SLC38A3: variants seen among roughly 807,000 people sequenced by gnomAD.
The protein encoded by SLC38A3 is sodium-coupled neutral amino acid transporter 3.
Under a neutral mutation model 59.5 loss-of-function variants are expected in SLC38A3, and 17 were observed. That is an observed-to-expected ratio of 0.29 (90% confidence interval 0.20 to 0.43). The LOEUF is 0.43. Among genes scored for constraint, SLC38A3 ranks in the 20% least tolerant of loss-of-function variants. SLC38A3 has a pLI of 1.00. For missense variants in SLC38A3, 454 were observed against 653.9 expected (o/e 0.69, Z 3.33); for synonymous variants, 238 against 260.3 (o/e 0.91, Z 0.82).
rs1189929062 is a variant in SLC38A3 at position 50,217,330 on chromosome 3, G to A, written c.631+10G>A. On this transcript the variant is annotated intron_variant, in intron 8 of 15. Coordinates refer to ENST00000614032, the MANE Select transcript of SLC38A3 (RefSeq NM_006841.6). The surrounding 1 kb of genome is among the most constrained non-coding windows in gnomAD (Gnocchi z 4.9). The stretch of plus-strand genomic sequence containing the variant: ...CTGATGCGGCAGCTTGGTGAGTGTG[G>A]AAGGGTCAGAGCCTTGGAGGGGATG... 2 of 1,612,864 alleles carry A rather than the reference G, an allele frequency of 1.2e-6. No individual in the cohort carries two copies. The highest frequency in any genetic ancestry group is 1.7e-6 in the Non-Finnish European group (2 of 1,179,388).
In SLC38A3 at chr3:50,219,894, C is replaced by A. The variant is rs375955437; in HGVS notation, c.1320C>A (p.Ala440=). The A allele has an allele frequency of 2.0e-4, 315 of 1,612,458 alleles. No individual in the cohort carries two copies. Among genetic ancestry groups the A allele is most frequent in the Non-Finnish European group, 2.2e-4 (259 of 1,179,338 alleles). ...GIFGVIGATS[A]PFLIFIFPAI... ...TGTTCTTTGCAGGTGCCACATCTGC[C>A]CCATTCCTCATCTTCATCTTCCCTG... Residue 440 remains alanine, a synonymous_variant, in exon 15 of 16, where the codon GCC becomes GCA. Transcript: ENST00000614032.
At position 50,214,890 on chromosome 3, in the gene SLC38A3, C is replaced by A. The variant is rs1340701797; in HGVS notation, c.299+122C>A. ...GGCTGCAGTGGGTGGGCACTTCTTA[C>A]ACTAACAAACCGCGGCTGAAAAAAA... On this transcript the variant is annotated intron_variant, in intron 4 of 15. Coordinates refer to ENST00000614032, the MANE Select transcript of SLC38A3 (RefSeq NM_006841.6). This position sits in a 1 kb window ranked among gnomAD's most constrained non-coding sequence, Gnocchi z 6.0. The A allele has an allele frequency of 1.3e-5, 9 of 693,986 alleles. No individual in the cohort carries two copies. In the Admixed American group the frequency reaches 1.9e-4, roughly 15 times the overall value. The allele number at this position is 693,986 out of a possible 1,614,324, so 43.0% of individuals were successfully genotyped here.
chr3:50,216,414 A>T (rs1244133429), intron 7 of SLC38A3, among the ~76,000 whole-genome samples: 5 of 152,162 alleles, frequency 3.3e-5, no homozygotes, highest in Non-Finnish European at 5.9e-5. Context: ...GCCTTTGAGG[A>T]TGGTCCTGGC....
At position 50,215,134 on chromosome 3, in the gene SLC38A3, C is replaced by T. The variant is rs1007504699; in HGVS notation, c.300-252C>T. ...TTGTTTCAAGGACTCAAGAGGAGGACGTGCTCAGAGGGCAGTCACAGGGAC... is the reference window on the plus strand; with the variant it reads ...TTGTTTCAAGGACTCAAGAGGAGGATGTGCTCAGAGGGCAGTCACAGGGAC... On this transcript the variant is annotated intron_variant, in intron 4 of 15. Coordinates refer to ENST00000614032, the MANE Select transcript of SLC38A3 (RefSeq NM_006841.6). The surrounding 1 kb of genome is among the most constrained non-coding windows in gnomAD (Gnocchi z 7.1). 1.2e-5 allele frequency: 7 copies of T among 576,422 alleles called. No homozygotes were observed. The highest frequency in any genetic ancestry group is 5.8e-5 in the East Asian group (2 of 34,380). The allele number at this position is 576,422 out of a possible 1,614,324, so 35.7% of individuals were successfully genotyped here. A position where few individuals can be genotyped will look rare whatever the true frequency, so the allele number is the denominator to read the frequency against.
intron 7 of SLC38A3, among the ~76,000 whole-genome samples, chr3:50,216,555 G>A (rs746278390): frequency 4.6e-5 from 7 of 152,168 alleles, no homozygotes; most frequent in Non-Finnish European, 7.3e-5. Context: ...AGAAACCCCC[G>A]TGGAAAATAC....
Position 50,217,815 on chromosome 3 carries a change from C to G in SLC38A3, c.830C>G (p.Pro277Arg). 2 of 1,614,052 alleles carry G rather than the reference C, an allele frequency of 1.2e-6. No individual in the cohort carries two copies. Among genetic ancestry groups the G allele is most frequent in the Non-Finnish European group, 1.7e-6 (2 of 1,179,904 alleles). The change falls in exon 10 of 16, where the codon CCC (proline) becomes CGC (arginine). Residue 277 changes from proline to arginine, a missense_variant. Physicochemically the swap from Pro to Arg is moderately radical, Grantham distance 103. Coordinates refer to ENST00000614032, the MANE Select transcript of SLC38A3 (RefSeq NM_006841.6). The surrounding 1 kb of genome is among the most constrained non-coding windows in gnomAD (Gnocchi z 4.9). Reference sequence around the variant, plus strand: ...CCTGAGGCTTCAGCCTTCTGCACTCCCAGCTACTTCACGCTCAACTCACAG... The same window carrying G: ...CCTGAGGCTTCAGCCTTCTGCACTCGCAGCTACTTCACGCTCAACTCACAG... ...VEPEASAFCT[P>R]SYFTLNSQTA...
At position 50,217,792 on chromosome 3, in the gene SLC38A3, T is replaced by G. The variant is rs1392175746; in HGVS notation, c.807T>G (p.Pro269=). The change falls in exon 10 of 16, where the codon CCT becomes CCG. Residue 269 remains proline (P), a synonymous_variant. Coordinates refer to ENST00000614032, the MANE Select transcript of SLC38A3 (RefSeq NM_006841.6). This position sits in a 1 kb window ranked among gnomAD's most constrained non-coding sequence, Gnocchi z 4.9. ...AGAAGGTGCAGCTGCAGGTCGAGCC[T>G]GAGGCTTCAGCCTTCTGCACTCCCA... is the stretch of plus-strand genomic sequence containing the variant. The part of the protein sequence containing the change: ...VKEKVQLQVE[P]EASAFCTPSY... 9.9e-6 allele frequency: 16 copies of G among 1,613,918 alleles called. No homozygotes were observed. Among genetic ancestry groups the G allele is most frequent in the Non-Finnish European group, 1.4e-5 (16 of 1,179,906 alleles).
In SLC38A3 at chr3:50,215,818, C is replaced by T; in HGVS notation, c.545C>T (p.Thr182Ile). 2 of 1,543,538 alleles carry T rather than the reference C, an allele frequency of 1.3e-6. No individual in the cohort carries two copies. Among genetic ancestry groups the T allele is most frequent in the Non-Finnish European group, 1.8e-6 (2 of 1,141,166 alleles). ...IQTFLNLEEK[T>I]SDWYMNGNYL... ...ACCTTCCTGAACCTGGAGGAGAAAA[C>T]CTCGTGAGCCCTGGCGTGGGGAGGG... Residue 182 changes from threonine to isoleucine, a missense_variant, in exon 7 of 16, where the codon ACC becomes ATC. Transcript: ENST00000614032. The surrounding 1 kb of genome is among the most constrained non-coding windows in gnomAD (Gnocchi z 7.1).
At chr3:50,211,596 C>CT (rs1559753260) in intron 1 of SLC38A3, among the ~76,000 whole-genome samples, 18 of 62,176 alleles carry the variant, frequency 2.9e-4, no homozygotes, top group South Asian at 1.0e-3. Flanking sequence ...TTTTTTTTTT[C>CT]TTTTTTTTTG....
intron 1 of SLC38A3, among the ~76,000 whole-genome samples, chr3:50,208,867 C>T (rs992967455): frequency 6.6e-6 from 1 of 152,184 alleles, no homozygotes; most frequent in Non-Finnish European, 1.5e-5. Context: ...TGCTCTGTCC[C>T]TGTCTATCTC....
rs1699860649 is a variant in SLC38A3, at chr3:50,218,845, G to T, written c.1203G>T (p.Glu401Asp). 6.2e-7 allele frequency: 1 copy of T among 1,613,080 alleles called. No homozygotes were observed. Among genetic ancestry groups the T allele is most frequent in the Non-Finnish European group, 8.5e-7 (1 of 1,179,204 alleles). ...AIQQMLFPNQEFSWLRHVLIA... is the reference protein window; with the variant it reads ...AIQQMLFPNQDFSWLRHVLIA... ...AGCAGATGCTGTTTCCAAACCAGGA[G>T]TTCAGCTGGCTGCGGCATGTGCTTA... Residue 401 changes from glutamate to aspartate, a missense_variant, in exon 14 of 16, where the codon GAG becomes GAT. Glu to Asp is a conservative substitution (Grantham distance 45). Transcript: ENST00000614032. The surrounding 1 kb of genome is among the most constrained non-coding windows in gnomAD (Gnocchi z 5.8).
Position 50,220,238 on chromosome 3 carries a change from C to A in SLC38A3, c.*61C>A. 1 of 1,315,218 alleles carries A rather than the reference C, an allele frequency of 7.6e-7. No individual in the cohort carries two copies. The highest frequency in any genetic ancestry group is 1.3e-5 in the South Asian group (1 of 79,382). 81.5% of individuals were successfully genotyped at this position (1,315,218 alleles called of 1,614,324 possible). A position where few individuals can be genotyped will look rare whatever the true frequency, so the allele number is the denominator to read the frequency against. On this transcript the variant is annotated 3_prime_UTR_variant, in exon 16 of 16. Coordinates refer to ENST00000614032, the MANE Select transcript of SLC38A3 (RefSeq NM_006841.6). The stretch of plus-strand genomic sequence containing the variant: ...CAGCCCTGCCCAGACTCTTCAGCCC[C>A]TGCTCCCATCCAGTGGCCAGTCGGG...
At position 50,215,632 on chromosome 3, in the gene SLC38A3, C is replaced by A; in HGVS notation, c.462C>A (p.Ile154=). Residue 154 remains isoleucine, a synonymous_variant, in exon 6 of 16, where the codon ATC becomes ATA. Coordinates refer to ENST00000614032, the MANE Select transcript of SLC38A3 (RefSeq NM_006841.6). This position sits in a 1 kb window ranked among gnomAD's most constrained non-coding sequence, Gnocchi z 7.1. The stretch of plus-strand genomic sequence containing the variant: ...CCCTGGCCATCACGCTCCAGAACAT[C>A]GGAGGTAAGAGCAGTGGGCAGGGGC... ...AAALAITLQN[I]GAMSSYLYII... is the part of the protein sequence containing the mutation. 1 of 1,613,606 alleles carries A rather than the reference C, an allele frequency of 6.2e-7. No individual in the cohort carries two copies. Among genetic ancestry groups the A allele is most frequent in the Non-Finnish European group, 8.5e-7 (1 of 1,179,826 alleles).
At position 50,214,656 on chromosome 3, in the gene SLC38A3, G is replaced by T. The variant is rs1437118005; in HGVS notation, c.187G>T (p.Glu63Ter). ...PSKEPHFTDFEGKTSFGMSVF... is the reference protein window; with the variant it reads ...PSKEPHFTDF ...CGTCCCATTCTGGTGCCTGCAGTTCGAGGGGAAGACATCATTCGGGATGTC... is the reference window on the plus strand; with the variant it reads ...CGTCCCATTCTGGTGCCTGCAGTTCTAGGGGAAGACATCATTCGGGATGTC... Residue 63 changes from glutamate to a stop codon, truncating the protein, a stop_gained, in exon 4 of 16, where the codon GAG (glutamate) becomes TAG (stop). Coordinates refer to ENST00000614032, the MANE Select transcript of SLC38A3 (RefSeq NM_006841.6). LOFTEE classifies it high-confidence loss of function. This position sits in a 1 kb window ranked among gnomAD's most constrained non-coding sequence, Gnocchi z 6.0. The T allele has an allele frequency of 1.2e-6, 2 of 1,608,674 alleles. No individual in the cohort carries two copies. Among genetic ancestry groups the T allele is most frequent in the South Asian group, 1.1e-5 (1 of 90,336 alleles).
At position 50,215,511 on chromosome 3, in the gene SLC38A3, C is replaced by T. The variant is rs752352321; in HGVS notation, c.374-33C>T. 48 of 1,613,530 alleles carry T rather than the reference C, an allele frequency of 3.0e-5. No homozygotes were observed. The highest frequency in any genetic ancestry group is 4.1e-5 in the Non-Finnish European group (48 of 1,179,578). ...GCGGGAGCTGGTGGGTAAACTGGGA[C>T]AAGCTCCTGACTTCTTGACCCTGCT... is the stretch of plus-strand genomic sequence containing the variant. On this transcript the variant is annotated intron_variant, in intron 5 of 15. Coordinates refer to ENST00000614032, the MANE Select transcript of SLC38A3 (RefSeq NM_006841.6). This position sits in a 1 kb window ranked among gnomAD's most constrained non-coding sequence, Gnocchi z 7.1.
In SLC38A3 at chr3:50,217,817, A is replaced by G. The variant is rs1182995229; in HGVS notation, c.832A>G (p.Ser278Gly). ...EPEASAFCTPSYFTLNSQTAY... is the reference protein window; with the variant it reads ...EPEASAFCTPGYFTLNSQTAY... ...TGAGGCTTCAGCCTTCTGCACTCCC[A>G]GCTACTTCACGCTCAACTCACAGGT... Residue 278 changes from serine (S) to glycine (G), a missense_variant, in exon 10 of 16, where the codon AGC (serine) becomes GGC (glycine). Physicochemically the swap from Ser to Gly is moderately conservative, Grantham distance 56. Coordinates refer to ENST00000614032, the MANE Select transcript of SLC38A3 (RefSeq NM_006841.6). This position sits in a 1 kb window ranked among gnomAD's most constrained non-coding sequence, Gnocchi z 4.9. The G allele has an allele frequency of 6.2e-7, 1 of 1,614,048 alleles. No homozygotes were observed. Among genetic ancestry groups the G allele is most frequent in the Non-Finnish European group, 8.5e-7 (1 of 1,179,904 alleles).
chr3:50,218,978 G>A lies in SLC38A3; in HGVS notation c.1306+30G>A, dbSNP rs1312150858. 6.3e-7 allele frequency: 1 copy of A among 1,593,528 alleles called. No individual in the cohort carries two copies. Among genetic ancestry groups the A allele is most frequent in the East Asian group, 2.3e-5 (1 of 44,308 alleles). ...GGGTCTGGCCCTGCTGTGGAAGCAG[G>A]GTATTGCCCCAGAGGATTTCAACTC... is the stretch of plus-strand genomic sequence containing the variant. On this transcript the variant is annotated intron_variant, in intron 14 of 15. Coordinates refer to ENST00000614032, the MANE Select transcript of SLC38A3 (RefSeq NM_006841.6). This position sits in a 1 kb window ranked among gnomAD's most constrained non-coding sequence, Gnocchi z 5.8.
Position 50,217,748 on chromosome 3 carries a change from C to T in SLC38A3, c.763C>T (p.His255Tyr), listed in dbSNP as rs1459122572. The T allele has an allele frequency of 6.2e-7, 1 of 1,613,702 alleles. No individual in the cohort carries two copies. The highest frequency in any genetic ancestry group is 1.7e-5 in the Admixed American group (1 of 59,890). ...NFNNTTGNFS[H>Y]VEIVKEKVQL... The stretch of plus-strand genomic sequence containing the variant: ...CAACAACACCACAGGCAACTTCAGC[C>T]ACGTGGAGATCGTGAAGGAGAAGGT... Residue 255 changes from histidine to tyrosine, a missense_variant, in exon 10 of 16, where the codon CAC becomes TAC. Physicochemically the swap from His to Tyr is moderately conservative, Grantham distance 83. This residue lies in a region of SLC38A3 where 390 missense variants were observed against 557.9 expected (regional missense o/e 0.70). Coordinates refer to ENST00000614032, the MANE Select transcript of SLC38A3 (RefSeq NM_006841.6). This position sits in a 1 kb window ranked among gnomAD's most constrained non-coding sequence, Gnocchi z 4.9.
chr3:50,214,403 G>T lies in SLC38A3; in HGVS notation c.103G>T (p.Val35Phe). 6.3e-7 allele frequency: 1 copy of T among 1,591,728 alleles called. No homozygotes were observed. ...ACCCACCCTGACCTGTGCCTACAGG[G>T]TCGAGGACCCTGCACGGAGCTGTAT... ...VITPMAGNQRVEDPARSCMEG... is the reference protein window; with the variant it reads ...VITPMAGNQRFEDPARSCMEG... Residue 35 changes from valine to phenylalanine, a missense_variant and splice_region_variant, in exon 3 of 16, where the codon GTC becomes TTC. Around this residue, in one of 3 missense-constraint regions of SLC38A3, gnomAD observed 390 missense variants for 557.9 expected, o/e 0.70. Transcript: ENST00000614032. The surrounding 1 kb of genome is among the most constrained non-coding windows in gnomAD (Gnocchi z 6.0).
Sources: gnomAD v4.1 joint callset for allele counts (sites outside exome capture counted in the v4.1 genomes callset) on GRCh38, gnomAD v4.1.1 for gene constraint, gnomAD v4.1.1 regional missense constraint, Gnocchi (gnomAD v3.1) non-coding constraint, MANE v1.5 for transcripts, NCBI Gene and HGNC (gene_info 2026-07-23, HGNC 2026-07-21) for gene names.